The following MAP4K3 variants were observed in gnomAD, a reference collection of about 807,000 sequenced individuals.
MAP4K3 encodes the protein mitogen-activated protein kinase kinase kinase kinase 3.
In MAP4K3, 94 loss-of-function variants were observed where a neutral mutation model predicts 143.5. That is an observed-to-expected ratio of 0.65 (90% confidence interval 0.55 to 0.78). The LOEUF is 0.78. MAP4K3 is among the 30% of genes least tolerant of loss of function. The probability of loss-of-function intolerance (pLI) is 0.00; values close to 1 mark genes in which losing one functional copy is unlikely to be tolerated. For missense variants in MAP4K3, 1,077 were observed against 1,068.1 expected, an observed-to-expected ratio of 1.01 and a Z score of -0.12; for synonymous variants, 416 against 347.2, an observed-to-expected ratio of 1.20 and a Z score of -2.20.
At chr2:39,374,124 G>A (rs754528586) in intron 2 of MAP4K3, among the ~76,000 whole-genome samples, 17 of 152,164 alleles carry the variant, frequency 1.1e-4, no homozygotes, top group Admixed American at 2.0e-4. Context: ...GCTCACATCT[G>A]TAATCCCAGT....
chr2:39,269,291 G>A (rs1680913754), intron 26 of MAP4K3, among the ~76,000 whole-genome samples: 1 of 151,800 alleles, frequency 6.6e-6, no homozygotes, highest in Non-Finnish European at 1.5e-5. Context: ...TCGTAGTACT[G>A]TAATTTTAAC....
At chr2:39,331,665 G>A (rs1683684745) in intron 8 of MAP4K3, among the ~76,000 whole-genome samples, 1 of 151,968 alleles carries the variant, frequency 6.6e-6, no homozygotes, top group African/African-American at 2.4e-5. Flanking sequence ...TTCCAGCAAG[G>A]CTAGAACAAA....
chr2:39,311,397 T>G (rs1682931757), intron 13 of MAP4K3, among the ~76,000 whole-genome samples: 1 of 152,098 alleles, frequency 6.6e-6, no homozygotes, highest in African/African-American at 2.4e-5. Flanking sequence ...CTTAATTCAG[T>G]ATTTAGGTGG....
chr2:39,413,367 G>A (rs1667282300), intron 1 of MAP4K3, among the ~76,000 whole-genome samples: 1 of 152,106 alleles, frequency 6.6e-6, no homozygotes, highest in African/African-American at 2.4e-5. Flanking sequence ...TCCCCTTAAT[G>A]TCTCTCCACC....
At position 39,256,324 on chromosome 2, in the gene MAP4K3, T is replaced by G. The variant is rs188972720; in HGVS notation, c.2471-1804A>C. Among the ~76,000 whole-genome samples, 4 of 152,350 alleles carry G rather than the reference T, an allele frequency of 2.6e-5. No individual in the cohort carries two copies. In the Middle Eastern group the frequency reaches 0.014, roughly 518 times the overall value. ...AATAGACAATAATGAAATGTGATAA[T>G]AGCAAACATCCTTATTTAGTTCTCC... is the stretch of plus-strand genomic sequence containing the variant. On this transcript the variant is annotated intron_variant, in intron 31 of 33. Transcript: ENST00000263881.
intron 3 of MAP4K3, among the ~76,000 whole-genome samples, chr2:39,348,751 G>C (rs1348269211): frequency 6.6e-6 from 1 of 152,008 alleles, no homozygotes. Flanking sequence ...ATAAGAAACA[G>C]AAAATTAAGT....
intron 12 of MAP4K3, among the ~76,000 whole-genome samples, chr2:39,321,180 C>G (rs7589593): frequency 0.07 from 10,645 of 152,148 alleles, 1,273 homozygotes; most frequent in African/African-American, 0.24. Flanking sequence ...AAAGAGAGAT[C>G]AGATTGTTAC....
At chr2:39,342,613 G>A (rs1288096218) in intron 4 of MAP4K3, among the ~76,000 whole-genome samples, 1 of 151,982 alleles carries the variant, frequency 6.6e-6, no homozygotes, top group African/African-American at 2.4e-5. Flanking sequence ...CCTATGCCAA[G>A]AAGATAAAGT....
At chr2:39,271,511 T>C (rs928913113) in intron 26 of MAP4K3, among the ~76,000 whole-genome samples, 70 of 152,218 alleles carry the variant, frequency 4.6e-4, no homozygotes, top group Non-Finnish European at 9.0e-4. Context: ...TCCAATATTA[T>C]ATTAAATAAC....
At position 39,426,281 on chromosome 2, in the gene MAP4K3, T is replaced by C. The variant is rs553278076; in HGVS notation, c.96+10611A>G. Among the ~76,000 whole-genome samples, 12 of 152,250 alleles carry C rather than the reference T, an allele frequency of 7.9e-5. No homozygotes were observed. The South Asian group carries it at 2.5e-3, about 32-fold the overall frequency. On this transcript the variant is annotated intron_variant, in intron 1 of 33. Transcript: ENST00000263881. The stretch of plus-strand genomic sequence containing the variant: ...ATGTTGGTGTCTAAAAGACAAAGGC[T>C]GAAAAACTCTTCTAGGTTAAGAGAC...
intron 22 of MAP4K3, 87 bp from the exon 23 acceptor site, chr2:39,280,443 G>A (rs961936260): frequency 7.4e-6 from 5 of 671,782 alleles, no homozygotes; most frequent in African/African-American, 7.3e-5. Context: ...ATTTTAATGT[G>A]AGAGTCTATA....
intron 16 of MAP4K3, among the ~76,000 whole-genome samples, chr2:39,299,091 A>C (rs1682405130): frequency 6.6e-6 from 1 of 152,188 alleles, no homozygotes; most frequent in Non-Finnish European, 1.5e-5. Context: ...ATTTATCCAC[A>C]AACTTAGAAA....
At chr2:39,388,253 G>A (rs143593043) in intron 1 of MAP4K3, among the ~76,000 whole-genome samples, 2 of 152,212 alleles carry the variant, frequency 1.3e-5, no homozygotes, top group Non-Finnish European at 2.9e-5. Context: ...CCCAATGTGC[G>A]TAAACACCTT....
At chr2:39,436,756 G>T in intron 1 of MAP4K3, 136 bp downstream of exon 1, 2 of 699,118 alleles carry the variant, frequency 2.9e-6, no homozygotes, top group South Asian at 3.4e-5. Context: ...AGAGCCCTTG[G>T]CGTCCGCAGC....
chr2:39,275,769 T>C (rs536454907), intron 24 of MAP4K3, among the ~76,000 whole-genome samples: 3 of 152,346 alleles, frequency 2.0e-5, no homozygotes, highest in East Asian at 1.9e-4. Context: ...GTTTAGGATC[T>C]TGCTAGAAAA....
At chr2:39,256,722 C>A (rs1363951578) in intron 31 of MAP4K3, among the ~76,000 whole-genome samples, 2 of 152,196 alleles carry the variant, frequency 1.3e-5, no homozygotes, top group South Asian at 2.1e-4. Context: ...GTATTAAACA[C>A]TGATTTATTC....
At chr2:39,284,885 T>C (rs75591780) in intron 21 of MAP4K3, among the ~76,000 whole-genome samples, 5,130 of 151,770 alleles carry the variant, frequency 0.034, 124 homozygotes, top group South Asian at 0.055. Flanking sequence ...AAATTTATTA[T>C]TTATTATCAT....
Position 39,419,243 on chromosome 2 carries a change from T to TA in MAP4K3, c.96+17648dup, listed in dbSNP as rs1006845455. On this transcript the variant is annotated intron_variant, in intron 1 of 33. Transcript: ENST00000263881. ...GAATACTTTCTGCAAACAATAGTGT[T>TA]AAAAAAAAACTAGATCCCTTTACTG... Among the ~76,000 whole-genome samples the TA allele has an allele frequency of 8.5e-4, 129 of 151,398 alleles. 1 individual carries two copies. Among genetic ancestry groups the TA allele is most frequent in the Non-Finnish European group, 9.9e-4 (67 of 67,762 alleles).
intron 16 of MAP4K3, among the ~76,000 whole-genome samples, chr2:39,297,329 G>A (rs1357789614): frequency 6.6e-6 from 1 of 152,104 alleles, no homozygotes; most frequent in East Asian, 1.9e-4. Context: ...TGTTGGCCAG[G>A]CTGGTCTCGA....
Sources: gnomAD v4.1 joint callset for allele counts (sites outside exome capture counted in the v4.1 genomes callset) on GRCh38, gnomAD v4.1.1 for gene constraint, MANE v1.5 for transcripts, NCBI Gene and HGNC (gene_info 2026-07-23, HGNC 2026-07-21) for gene names.